GPNMB: variants seen among roughly 807,000 people sequenced by gnomAD.
GPNMB encodes transmembrane glycoprotein NMB.
A neutral mutation model predicts 57.3 loss-of-function variants in GPNMB; 71 were observed. That is an observed-to-expected ratio of 1.24 (90% confidence interval 1.02 to 1.51). The LOEUF (loss-of-function observed/expected upper bound fraction) is 1.51, where lower values mean the gene tolerates loss of function less well. Ranked by LOEUF, GPNMB falls within the 40% of genes most tolerant of loss-of-function variation. GPNMB has a pLI of 0.00. For missense variants in GPNMB, 677 were observed against 691.9 expected, an observed-to-expected ratio of 0.98 and a Z score of 0.24; for synonymous variants, 253 against 263.2, an observed-to-expected ratio of 0.96 and a Z score of 0.38.
At position 23,272,106 on chromosome 7, in the gene GPNMB, C is replaced by T. The variant is rs374589440; in HGVS notation, c.1430-1415C>T. 2.2e-3 allele frequency among the ~76,000 whole-genome samples: 337 copies of T among 152,328 alleles called. 1 individual carries two copies. Among genetic ancestry groups the T allele is most frequent in the African/African-American group, 7.0e-3 (291 of 41,578 alleles). On this transcript the variant is annotated intron_variant, in intron 9 of 10. Transcript: ENST00000258733. The stretch of plus-strand genomic sequence containing the variant: ...ATCCAAGTGGCCATGGACTCGGATG[C>T]AGTCACCATCAGAAGCTGCTAATGT...
At chr7:23,267,125 G>A (rs1349537287) in intron 7 of GPNMB, among the ~76,000 whole-genome samples, 1 of 152,238 alleles carries the variant, frequency 6.6e-6, no homozygotes, top group African/African-American at 2.4e-5. Flanking sequence ...GAGGATGGAG[G>A]TGGAAGCCCA....
At chr7:23,258,503 A>G (rs1406750140) in intron 4 of GPNMB, among the ~76,000 whole-genome samples, 1 of 152,200 alleles carries the variant, frequency 6.6e-6, no homozygotes, top group Non-Finnish European at 1.5e-5. Context: ...GCATGGAGTC[A>G]CTTATGTTCA....
At chr7:23,251,942 C>G (rs529626137) in intron 1 of GPNMB, among the ~76,000 whole-genome samples, 85 of 152,282 alleles carry the variant, frequency 5.6e-4, no homozygotes, top group Non-Finnish European at 1.1e-3. Context: ...TGGAGGCAAC[C>G]AACCAGTCTG....
Position 23,260,082 on chromosome 7 carries a change from GA to G in GPNMB, c.645del (p.Arg215SerfsTer12). ...CTCATGGAAGTGACTGTCTACAGAAGACATGGACGGGCATATGTTCCCATCG... is the reference window on the plus strand; with the variant it reads ...CTCATGGAAGTGACTGTCTACAGAAGCATGGACGGGCATATGTTCCCATCG... ...PQLMEVTVYR[R>X]HGRAYVPIAQ... On this transcript the variant is annotated frameshift_variant, in exon 5 of 11. Coordinates refer to ENST00000258733, the MANE Select transcript of GPNMB (RefSeq NM_002510.3). LOFTEE classifies it high-confidence loss of function. 6.2e-7 allele frequency: 1 copy of G among 1,614,064 alleles called. No homozygotes were observed. Among genetic ancestry groups the G allele is most frequent in the Non-Finnish European group, 8.5e-7 (1 of 1,179,936 alleles).
intron 3 of GPNMB, among the ~76,000 whole-genome samples, chr7:23,255,263 C>A (rs529261248): frequency 6.6e-6 from 1 of 152,126 alleles, no homozygotes; most frequent in Non-Finnish European, 1.5e-5. Context: ...GTGGTCCGCC[C>A]GCCTCGGTCT....
chr7:23,272,878 C>G (rs1783243497), intron 9 of GPNMB, among the ~76,000 whole-genome samples: 3 of 147,840 alleles, frequency 2.0e-5, no homozygotes, highest in Admixed American at 2.0e-4. Context: ...AGGTCTTGCT[C>G]TGTCACCCAG....
intron 9 of GPNMB, among the ~76,000 whole-genome samples, chr7:23,271,318 C>A (rs929288668): frequency 6.6e-6 from 1 of 152,210 alleles, no homozygotes; most frequent in African/African-American, 2.4e-5. Flanking sequence ...TACTGGCCAT[C>A]GGTCTGGGGG....
rs138429048 is a variant in GPNMB at position 23,264,398 on chromosome 7, A to T, written c.1019-2119A>T. Among the ~76,000 whole-genome samples, 1,219 of 151,668 alleles carry T rather than the reference A, an allele frequency of 8.0e-3. 21 individuals are homozygous for T. Among genetic ancestry groups the T allele is most frequent in the African/African-American group, 0.028 (1,168 of 41,292 alleles). ...TATTTTTATTTTTTTTTTGAGATAGAGTCTTGCTCTGTTGCCCAGGCTGGA... is the reference window on the plus strand; with the variant it reads ...TATTTTTATTTTTTTTTTGAGATAGTGTCTTGCTCTGTTGCCCAGGCTGGA... On this transcript the variant is annotated intron_variant, in intron 6 of 10. Transcript: ENST00000258733.
At chr7:23,246,990 A>G (rs1782546853) in intron 1 of GPNMB, 63 bp downstream of exon 1, 1 of 1,174,506 alleles carries the variant, frequency 8.5e-7, no homozygotes, top group South Asian at 1.2e-5. Flanking sequence ...ATGATGGCTA[A>G]TAATATCCTC....
In GPNMB at chr7:23,272,085, A is replaced by G. The variant is rs181200066; in HGVS notation, c.1430-1436A>G. 2.1e-4 allele frequency among the ~76,000 whole-genome samples: 32 copies of G among 152,282 alleles called. 1 individual carries two copies. Among genetic ancestry groups the G allele is most frequent in the African/African-American group, 5.1e-4 (21 of 41,574 alleles). ...GAAGGGAGCCAAAACCTCTGCATCC[A>G]AGTGGCCATGGACTCGGATGCAGTC... On this transcript the variant is annotated intron_variant, in intron 9 of 10. Transcript: ENST00000258733.
chr7:23,251,186 C>T (rs1370514009), intron 1 of GPNMB, among the ~76,000 whole-genome samples: 1 of 152,190 alleles, frequency 6.6e-6, no homozygotes, highest in Non-Finnish European at 1.5e-5. Context: ...CCCATTCTCT[C>T]TGCCTCCTGG....
At chr7:23,255,607 A>G (rs1418843587) in intron 3 of GPNMB, among the ~76,000 whole-genome samples, 1 of 151,968 alleles carries the variant, frequency 6.6e-6, no homozygotes, top group African/African-American at 2.4e-5. Flanking sequence ...CTCTATTTTT[A>G]GTTTTTTGAG....
intron 8 of GPNMB, among the ~76,000 whole-genome samples, chr7:23,269,689 G>T (rs889721575): frequency 1.3e-5 from 2 of 152,138 alleles, no homozygotes; most frequent in East Asian, 3.9e-4. Flanking sequence ...GCTTCACGTG[G>T]TTTCCATCAG....
In GPNMB at chr7:23,270,061, C is replaced by T. The variant is rs1226370454; in HGVS notation, c.1315C>T (p.Leu439=). The change falls in exon 9 of 11, where the codon CTG becomes TTG. Residue 439 remains leucine, a synonymous_variant. Transcript: ENST00000258733. ...CSPVDVDEMC[L]LTVRRTFNGS... is the part of the protein sequence containing the mutation. ...CCCTGTGGATGTGGATGAGATGTGT[C>T]TGCTGACTGTGAGACGAACCTTCAA... 6.2e-7 allele frequency: 1 copy of T among 1,614,028 alleles called. No individual in the cohort carries two copies. Among genetic ancestry groups the T allele is most frequent in the Non-Finnish European group, 8.5e-7 (1 of 1,179,934 alleles).
In GPNMB at chr7:23,269,979, G is replaced by A. The variant is rs1322699561; in HGVS notation, c.1233G>A (p.Glu411=). The A allele has an allele frequency of 1.2e-6, 2 of 1,613,956 alleles. No individual in the cohort carries two copies. Among genetic ancestry groups the A allele is most frequent in the Non-Finnish European group, 1.7e-6 (2 of 1,179,906 alleles). The part of the protein sequence containing the change: ...VVTCQGSIPT[E]VCTIISDPTC... ...TCCCCTGTCGCAGCATTCCCACGGAGGTCTGTACCATCATTTCTGACCCCA... is the reference window on the plus strand; with the variant it reads ...TCCCCTGTCGCAGCATTCCCACGGAAGTCTGTACCATCATTTCTGACCCCA... The change falls in exon 9 of 11, where the codon GAG becomes GAA. Residue 411 remains glutamate, a synonymous_variant. Transcript: ENST00000258733.
At chr7:23,271,877 G>T (rs1215291009) in intron 9 of GPNMB, among the ~76,000 whole-genome samples, 1 of 152,260 alleles carries the variant, frequency 6.6e-6, no homozygotes, top group Non-Finnish European at 1.5e-5. Context: ...CCCATTAAAA[G>T]AAGAGATTTA....
In GPNMB at chr7:23,267,811, A is replaced by G. The variant is rs569456391; in HGVS notation, c.1118-75A>G. ...GGAGGGACACAAACATTCAATCTAT[A>G]CCAGAGTGATTGTTTGGCTTTGTTT... is the stretch of plus-strand genomic sequence containing the variant. On this transcript the variant is annotated intron_variant, in intron 7 of 10. Transcript: ENST00000258733. The G allele has an allele frequency of 1.5e-4, 151 of 993,630 alleles. 4 individuals are homozygous for G. The South Asian group carries it at 1.9e-3, about 12-fold the overall frequency. The allele number at this position is 993,630 out of a possible 1,614,324, so 61.6% of individuals were successfully genotyped here.
At position 23,267,868 on chromosome 7, in the gene GPNMB, TGGG is replaced by T; in HGVS notation, c.1118-15_1118-13del. ...TGTTGTATTTTGATGTGTTTTTCTC[TGGG>T]GGTTATTTTGTTAGAGGGAATCTTA... On this transcript the variant is annotated splice_polypyrimidine_tract_variant and intron_variant, in intron 7 of 10. Transcript: ENST00000258733. The T allele has an allele frequency of 6.8e-7, 1 of 1,478,350 alleles. No individual in the cohort carries two copies. The highest frequency in any genetic ancestry group is 9.5e-7 in the Non-Finnish European group (1 of 1,055,970). The allele number at this position is 1,478,350 out of a possible 1,614,324, so 91.6% of individuals were successfully genotyped here. A position where few individuals can be genotyped will look rare whatever the true frequency, so the allele number is the denominator to read the frequency against.
chr7:23,249,438 G>A (rs1782612460), intron 1 of GPNMB, among the ~76,000 whole-genome samples: 1 of 152,178 alleles, frequency 6.6e-6, no homozygotes, highest in East Asian at 1.9e-4. Flanking sequence ...TAGATGTATA[G>A]CCAAATCTAC....
Sources: gnomAD v4.1 joint callset for allele counts (sites outside exome capture counted in the v4.1 genomes callset) on GRCh38, gnomAD v4.1.1 for gene constraint, MANE v1.5 for transcripts, NCBI Gene and HGNC (gene_info 2026-07-23, HGNC 2026-07-21) for gene names.